PDE1C: variants seen among roughly 807,000 people sequenced by gnomAD.
The protein encoded by PDE1C is phosphodiesterase 1C, also known as dual specificity calcium/calmodulin-dependent 3',5'-cyclic nucleotide phosphodiesterase 1C.
In PDE1C, 62 loss-of-function variants were observed where a neutral mutation model predicts 93.1. That is an observed-to-expected ratio of 0.67 (90% confidence interval 0.54 to 0.82). The LOEUF (loss-of-function observed/expected upper bound fraction) is 0.82, where lower values mean the gene tolerates loss of function less well. Ranked by LOEUF, PDE1C falls within the 40% of genes least tolerant of loss-of-function variation. The pLI is 0.00. For missense variants in PDE1C, 742 were observed against 884.6 expected (o/e 0.84, Z 2.04); for synonymous variants, 325 against 310.1 (o/e 1.05, Z -0.50).
chr7:31,783,614 T>C (rs946343090), intron 16 of PDE1C: 2 of 151,986 alleles, frequency 1.3e-5, no homozygotes, highest in Non-Finnish European at 2.9e-5. Flanking sequence ...AATTATACAT[T>C]GAAGGACTGT....
At chr7:31,942,442 G>T (rs905789457) in intron 2 of PDE1C, among the ~76,000 whole-genome samples, 1 of 152,102 alleles carries the variant, frequency 6.6e-6, no homozygotes, top group Admixed American at 6.6e-5. Context: ...CTATGAACCT[G>T]GCAGGATGTT....
chr7:31,946,658 T>C (rs1470950920), intron 2 of PDE1C, among the ~76,000 whole-genome samples: 2 of 152,198 alleles, frequency 1.3e-5, no homozygotes, highest in South Asian at 4.1e-4. Flanking sequence ...CCTGCTTCTT[T>C]GTTGGATTAC....
chr7:31,904,155 T>C (rs1056320158), intron 2 of PDE1C, among the ~76,000 whole-genome samples: 2 of 152,110 alleles, frequency 1.3e-5, no homozygotes, highest in African/African-American at 4.8e-5. Context: ...GAGTGCTATA[T>C]GCAGCCTTTC....
At chr7:31,672,440 C>A in the PDE1C span, among the ~76,000 whole-genome samples, 1 of 152,168 alleles carries the variant, frequency 6.6e-6, no homozygotes, top group Non-Finnish European at 1.5e-5. Context: ...TTACTCCATA[C>A]CCTCTCCATA....
chr7:31,786,332 G>C (rs1762647515), intron 16 of PDE1C: 1 of 151,398 alleles, frequency 6.6e-6, no homozygotes, highest in Non-Finnish European at 1.5e-5. Flanking sequence ...AGGCCATAGA[G>C]AAGTTTTTAT....
chr7:32,337,522 A>C (rs577844419), intron 1 of PDE1C, among the ~76,000 whole-genome samples: 2 of 152,344 alleles, frequency 1.3e-5, no homozygotes, highest in African/African-American at 4.8e-5. Context: ...GGGGAAACTT[A>C]CAAGTTGGCA....
chr7:31,661,686 C>G, the PDE1C span, among the ~76,000 whole-genome samples: 1 of 152,128 alleles, frequency 6.6e-6, no homozygotes, highest in Non-Finnish European at 1.5e-5. Context: ...GCACTCTAGC[C>G]TGGGGCAACA....
chr7:31,957,287 T>G (rs1439222251), intron 2 of PDE1C, among the ~76,000 whole-genome samples: 1 of 151,878 alleles, frequency 6.6e-6, no homozygotes, highest in African/African-American at 2.4e-5. Flanking sequence ...CCTCCTACTG[T>G]GGGCATTAGC....
chr7:32,140,677 A>G (rs1800468692), intron 3 of PDE1C, among the ~76,000 whole-genome samples: 1 of 152,170 alleles, frequency 6.6e-6, no homozygotes, highest in Admixed American at 6.5e-5. Context: ...CTAGGTAGGT[A>G]GGGTATGATT....
intron 2 of PDE1C, among the ~76,000 whole-genome samples, chr7:32,188,906 C>T (rs1804052922): frequency 6.6e-6 from 1 of 152,080 alleles, no homozygotes; most frequent in Non-Finnish European, 1.5e-5. Context: ...GAGCTGTCAG[C>T]AGAAAGAATC....
At chr7:32,099,867 T>C (rs1346789319) in intron 3 of PDE1C, among the ~76,000 whole-genome samples, 3 of 152,188 alleles carry the variant, frequency 2.0e-5, no homozygotes, top group African/African-American at 7.2e-5. Flanking sequence ...TGACATTTCC[T>C]TCAACCTAAC....
intron 1 of PDE1C, among the ~76,000 whole-genome samples, chr7:32,289,113 AGAG>A (rs1812183267): frequency 6.6e-6 from 1 of 152,244 alleles, no homozygotes; most frequent in South Asian, 2.1e-4. Flanking sequence ...AGGTAAAAAA[AGAG>A]GTCAGAGGCC....
chr7:31,647,314 G>A, the PDE1C span, among the ~76,000 whole-genome samples: 1 of 152,124 alleles, frequency 6.6e-6, no homozygotes, highest in Admixed American at 6.6e-5. Context: ...AATATTAACA[G>A]GACATAGCTC....
chr7:31,988,228 C>A (rs1477851753), intron 2 of PDE1C, among the ~76,000 whole-genome samples: 1 of 152,222 alleles, frequency 6.6e-6, no homozygotes, highest in Admixed American at 6.5e-5. Flanking sequence ...GGGGGCCTTA[C>A]AAGGCTTTGG....
chr7:31,705,458 C>A, the PDE1C span, among the ~76,000 whole-genome samples: 776 of 149,064 alleles, frequency 5.2e-3, 6 homozygotes, highest in African/African-American at 0.019. Flanking sequence ...AGCTGGTGTA[C>A]GAGAAATATC....
chr7:31,759,966 T>C (rs1190677675), intron 17 of PDE1C, among the ~76,000 whole-genome samples: 5 of 152,088 alleles, frequency 3.3e-5, no homozygotes, highest in Non-Finnish European at 5.9e-5. Flanking sequence ...GGAACAGTTG[T>C]ACAGAATTAT....
chr7:32,118,099 C>A (rs766856), intron 3 of PDE1C, among the ~76,000 whole-genome samples: 3 of 152,046 alleles, frequency 2.0e-5, no homozygotes, highest in Middle Eastern at 3.4e-3. Context: ...GGAAGTCATG[C>A]GAGTGCTTTG....
At chr7:31,641,689 T>TA in the PDE1C span, among the ~76,000 whole-genome samples, 1 of 152,184 alleles carries the variant, frequency 6.6e-6, no homozygotes, top group Non-Finnish European at 1.5e-5. Context: ...AGCAGTGATC[T>TA]AAAACATGAG....
Position 32,108,230 on chromosome 7 carries a change from C to CAAAAAAA in PDE1C, c.308+61548_308+61554dup, listed in dbSNP as rs71559210. Among the ~76,000 whole-genome samples, 96 of 76,860 alleles carry CAAAAAAA rather than the reference C, an allele frequency of 1.2e-3. 1 individual carries two copies. Among genetic ancestry groups the CAAAAAAA allele is most frequent in the East Asian group, 2.8e-3 (8 of 2,896 alleles). 50.4% of individuals were successfully genotyped at this position (76,860 alleles called of 152,430 possible). A position where few individuals can be genotyped will look rare whatever the true frequency, so the allele number is the denominator to read the frequency against. Reference sequence around the variant, plus strand: ...TGTCAGCATGGATAAAAAAGCAAGACAAAAAAAAAAAAAAAAAGCAAGACC... The same window carrying CAAAAAAA: ...TGTCAGCATGGATAAAAAAGCAAGACAAAAAAAAAAAAAAAAAAAAAAAAGCAAGACC... On this transcript the variant is annotated intron_variant, in intron 3 of 18. Coordinates refer to the PDE1C transcript ENST00000396193.
Sources: gnomAD v4.1 joint callset for allele counts (sites outside exome capture counted in the v4.1 genomes callset) on GRCh38, gnomAD v4.1.1 for gene constraint, MANE v1.5 for transcripts, NCBI Gene and HGNC (gene_info 2026-07-23, HGNC 2026-07-21) for gene names.